TMEM117: variants seen among roughly 807,000 people sequenced by gnomAD.
The protein encoded by TMEM117 is transmembrane protein 117.
A neutral mutation model predicts 52.4 loss-of-function variants in TMEM117; 27 were observed. The observed-to-expected ratio is 0.51, with a 90% CI of 0.38 to 0.71. The LOEUF (loss-of-function observed/expected upper bound fraction) is 0.71, where lower values mean the gene tolerates loss of function less well. Among genes scored for constraint, TMEM117 ranks in the 30% least tolerant of loss-of-function variants. The probability of loss-of-function intolerance (pLI) is 0.00; values close to 1 mark genes in which losing one functional copy is unlikely to be tolerated. For missense variants in TMEM117, 556 were observed against 630.5 expected (o/e 0.88, Z 1.26); for synonymous variants, 215 against 206.3 (o/e 1.04, Z -0.36).
chr12:44,198,974 G>A (rs1357848665), intron 4 of TMEM117, among the ~76,000 whole-genome samples: 1 of 152,118 alleles, frequency 6.6e-6, no homozygotes, highest in Admixed American at 6.5e-5. Context: ...GTGTATTTGG[G>A]ACTTTATATC....
intron 2 of TMEM117, among the ~76,000 whole-genome samples, chr12:43,926,791 T>C (rs1944785853): frequency 6.6e-6 from 1 of 152,114 alleles, no homozygotes; most frequent in Admixed American, 6.5e-5. Flanking sequence ...TTGTAGTTTT[T>C]CATTTCTAAT....
At chr12:44,122,382 C>G (rs925829701) in intron 3 of TMEM117, among the ~76,000 whole-genome samples, 2 of 152,016 alleles carry the variant, frequency 1.3e-5, no homozygotes, top group African/African-American at 2.4e-5. Context: ...TTTCATGGTT[C>G]TATATGTAGC....
chr12:44,246,365 G>T (rs928763593), intron 5 of TMEM117, among the ~76,000 whole-genome samples: 1 of 152,104 alleles, frequency 6.6e-6, no homozygotes, highest in Non-Finnish European at 1.5e-5. Context: ...ATTGGAAGCT[G>T]CCAGAATAAG....
rs568538143 is a variant in TMEM117 at position 44,254,913 on chromosome 12, G to GT, written c.608+43532dup. Among the ~76,000 whole-genome samples, 363 of 152,038 alleles carry GT rather than the reference G, an allele frequency of 2.4e-3. 5 individuals carry two copies. Among genetic ancestry groups the GT allele is most frequent in the African/African-American group, 8.3e-3 (343 of 41,466 alleles). On this transcript the variant is annotated intron_variant, in intron 5 of 7. Coordinates refer to ENST00000266534, the MANE Select transcript of TMEM117 (RefSeq NM_032256.3). Reference sequence around the variant, plus strand: ...TATGAGTGAGAACATGCGGTGTTTGGTTTTTTGTCCTTGCGATAGTTTGCT... The same window carrying GT: ...TATGAGTGAGAACATGCGGTGTTTGGTTTTTTTGTCCTTGCGATAGTTTGCT...
At chr12:43,952,093 G>GCAA (rs1001557022) in intron 3 of TMEM117, among the ~76,000 whole-genome samples, 9 of 152,132 alleles carry the variant, frequency 5.9e-5, no homozygotes, top group African/African-American at 2.2e-4. Flanking sequence ...AATAACAACA[G>GCAA]CAACAACAAC....
At chr12:43,971,450 A>C (rs1267359614) in intron 3 of TMEM117, among the ~76,000 whole-genome samples, 1 of 152,196 alleles carries the variant, frequency 6.6e-6, no homozygotes, top group East Asian at 1.9e-4. Flanking sequence ...AGTTCCATCC[A>C]AAGTGAACTT....
At chr12:44,124,269 C>T (rs1948285892) in intron 3 of TMEM117, among the ~76,000 whole-genome samples, 2 of 152,262 alleles carry the variant, frequency 1.3e-5, no homozygotes, top group East Asian at 3.9e-4. Flanking sequence ...TGAGACTTTT[C>T]TGAAGTTGCT....
At chr12:43,821,395 C>T in the TMEM117 span, among the ~76,000 whole-genome samples, 1 of 152,152 alleles carries the variant, frequency 6.6e-6, no homozygotes, top group Non-Finnish European at 1.5e-5. Context: ...ATTCTCCTAC[C>T]TCAGCTTCAC....
chr12:44,234,045 T>C (rs1456782346), intron 5 of TMEM117, among the ~76,000 whole-genome samples: 2 of 151,396 alleles, frequency 1.3e-5, no homozygotes, highest in Admixed American at 6.6e-5. Flanking sequence ...TAGGTTCATA[T>C]ATGATATTGG....
At chr12:44,238,973 T>A (rs1950030629) in intron 5 of TMEM117, among the ~76,000 whole-genome samples, 1 of 152,196 alleles carries the variant, frequency 6.6e-6, no homozygotes, top group African/African-American at 2.4e-5. Context: ...TAGATTATTG[T>A]GACAATCATG....
intron 4 of TMEM117, among the ~76,000 whole-genome samples, chr12:44,157,684 A>G (rs932318164): frequency 6.6e-6 from 1 of 152,150 alleles, no homozygotes; most frequent in African/African-American, 2.4e-5. Context: ...AAATTAAAAT[A>G]TGAATTATAT....
At chr12:43,832,677 GGGGA>G (rs1942989590), upstream of TMEM117, among the ~76,000 whole-genome samples, 2 of 152,148 alleles carry the variant, frequency 1.3e-5, no homozygotes, top group African/African-American at 4.8e-5. Context: ...CCTCTTATAT[GGGGA>G]GGAAGTATTA....
At chr12:44,189,155 G>A (rs1329772321) in intron 4 of TMEM117, among the ~76,000 whole-genome samples, 1 of 151,986 alleles carries the variant, frequency 6.6e-6, no homozygotes, top group Admixed American at 6.6e-5. Context: ...CAAACAATAT[G>A]TCTTATTTCT....
chr12:44,244,031 G>C (rs757681120), intron 5 of TMEM117, among the ~76,000 whole-genome samples: 2 of 151,850 alleles, frequency 1.3e-5, no homozygotes, highest in African/African-American at 2.4e-5. Flanking sequence ...TCCATCGATG[G>C]GCACTTAGGT....
intron 5 of TMEM117, among the ~76,000 whole-genome samples, chr12:44,250,833 T>G (rs1950188640): frequency 6.6e-6 from 1 of 151,918 alleles, no homozygotes; most frequent in African/African-American, 2.4e-5. Flanking sequence ...CTGAGGCCAG[T>G]GTGGGCAGTG....
chr12:43,796,966 G>C, the TMEM117 span: 1 of 1,606,860 alleles, frequency 6.2e-7, no homozygotes, highest in African/African-American at 1.3e-5. Context: ...TTTTAAAATA[G>C]GTGGGCTACC....
chr12:44,183,619 G>A lies in TMEM117; in HGVS notation c.511-27671G>A, dbSNP rs547488952. On this transcript the variant is annotated intron_variant, in intron 4 of 7. Coordinates refer to ENST00000266534, the MANE Select transcript of TMEM117 (RefSeq NM_032256.3). The stretch of plus-strand genomic sequence containing the variant: ...CAGTAGCAAGCCTAGAGATCACACA[G>A]AATGATTTTGTGCAAGTGAAAGTGG... Among the ~76,000 whole-genome samples the A allele has an allele frequency of 1.5e-3, 224 of 152,224 alleles. 2 individuals carry two copies. Among genetic ancestry groups the A allele is most frequent in the African/African-American group, 5.1e-3 (211 of 41,552 alleles).
At position 43,946,180 on chromosome 12, in the gene TMEM117, C is replaced by T. The variant is rs577205331; in HGVS notation, c.410+1838C>T. On this transcript the variant is annotated intron_variant, in intron 3 of 7. Coordinates refer to ENST00000266534, the MANE Select transcript of TMEM117 (RefSeq NM_032256.3). ...CAGCCTTGGAGCAGTGCCTGTAATACTAGAATGGGTAATGATTGGAGTTAG... is the reference window on the plus strand; with the variant it reads ...CAGCCTTGGAGCAGTGCCTGTAATATTAGAATGGGTAATGATTGGAGTTAG... 1.3e-3 allele frequency among the ~76,000 whole-genome samples: 191 copies of T among 152,218 alleles called. 1 individual carries two copies. The highest frequency in any genetic ancestry group is 4.4e-3 in the African/African-American group (183 of 41,538).
Position 43,912,510 on chromosome 12 carries a change from TA to T in TMEM117, c.278-31699del, listed in dbSNP as rs1565747544. ...CTTAAAGTATAATAATAATAATTTA[TA>T]TATATATATATATATATATATATAT... On this transcript the variant is annotated intron_variant, in intron 2 of 7. Coordinates refer to ENST00000266534, the MANE Select transcript of TMEM117 (RefSeq NM_032256.3). Among the ~76,000 whole-genome samples, 5 of 14,780 alleles carry T rather than the reference TA, an allele frequency of 3.4e-4. No individual in the cohort carries two copies. The East Asian group carries it at 0.056, about 164-fold the overall frequency. The allele number at this position is 14,780 out of a possible 152,430, so 9.7% of individuals were successfully genotyped here.
Sources: gnomAD v4.1 joint callset for allele counts (sites outside exome capture counted in the v4.1 genomes callset) on GRCh38, gnomAD v4.1.1 for gene constraint, MANE v1.5 for transcripts, NCBI Gene and HGNC (gene_info 2026-07-23, HGNC 2026-07-21) for gene names.